The following ZNF827 variants were observed in gnomAD, a reference collection of about 807,000 sequenced individuals.
ZNF827 encodes the protein zinc finger protein 827.
ZNF827 carries 13 observed loss-of-function variants against 102.4 expected under a neutral mutation model. The ratio of observed to expected loss-of-function variants is 0.13; its 90% CI spans 0.08 to 0.20. ZNF827 has a LOEUF of 0.20. Among genes scored for constraint, ZNF827 ranks in the 10% least tolerant of loss-of-function variants. The pLI is 1.00. For synonymous variants in ZNF827, 523 were observed against 536.2 expected (o/e 0.98, Z 0.34); for missense variants, 1,103 against 1,344.4 (o/e 0.82, Z 2.81).
intron 1 of ZNF827, among the ~76,000 whole-genome samples, chr4:145,935,087 T>G (rs1754063852): frequency 6.6e-6 from 1 of 152,174 alleles, no homozygotes; most frequent in African/African-American, 2.4e-5. Context: ...CACTCCTTTC[T>G]TTTAGAGTCA....
chr4:145,808,203 A>G (rs1006144511), intron 8 of ZNF827, among the ~76,000 whole-genome samples: 1 of 152,114 alleles, frequency 6.6e-6, no homozygotes, highest in Admixed American at 6.5e-5. Context: ...ATGGTTACCT[A>G]CAATCCACAT....
Position 145,931,345 on chromosome 4 carries a change from C to A in ZNF827, c.43+7020G>T, listed in dbSNP as rs546526590. 2.6e-5 allele frequency among the ~76,000 whole-genome samples: 4 copies of A among 152,282 alleles called. No homozygotes were observed. In the East Asian group the frequency reaches 7.7e-4, roughly 29 times the overall value. The stretch of plus-strand genomic sequence containing the variant: ...GAAAAGTGTATCTCAGAAACAGGCA[C>A]CATCATTTACAATCTATACCTTTAA... On this transcript the variant is annotated intron_variant, in intron 1 of 14. Transcript: ENST00000508784.
Position 145,892,184 on chromosome 4 carries a change from T to G in ZNF827, c.1266+59A>C, listed in dbSNP as rs10471107. 1.2e-3 allele frequency: 1,847 copies of G among 1,537,044 alleles called. 20 individuals carry two copies. The African/African-American group carries it at 0.02, about 17-fold the overall frequency. ...CCAAGAAGCCTCCTGCACCAGACCA[T>G]GTACAGAAGCCCTGGCTGTGCCTGC... is the stretch of plus-strand genomic sequence containing the variant. On this transcript the variant is annotated intron_variant, in intron 3 of 14. Coordinates refer to ENST00000508784, the MANE Select transcript of ZNF827 (RefSeq NM_001306215.2).
At chr4:145,868,307 C>T (rs1748383230) in intron 5 of ZNF827, among the ~76,000 whole-genome samples, 1 of 152,212 alleles carries the variant, frequency 6.6e-6, no homozygotes, top group African/African-American at 2.4e-5. Flanking sequence ...GGCTGTGATG[C>T]ATATCTCTTT....
chr4:145,829,147 G>C (rs1362576259), intron 7 of ZNF827, among the ~76,000 whole-genome samples: 1 of 142,966 alleles, frequency 7.0e-6, no homozygotes, highest in East Asian at 1.9e-4. Flanking sequence ...GAGCAATAGA[G>C]AAGAAACAGA....
Position 145,764,508 on chromosome 4 carries a change from G to C in ZNF827, c.3230+480C>G, listed in dbSNP as rs116359608. Among the ~76,000 whole-genome samples, 480 of 152,300 alleles carry C rather than the reference G, an allele frequency of 3.2e-3. 1 individual carries two copies. The highest frequency in any genetic ancestry group is 0.011 in the African/African-American group (450 of 41,574). ...GAGGATCATGAAGCACATGATCGTT[G>C]CATGAAAAATGTTGCTTCCTGCCTG... is the stretch of plus-strand genomic sequence containing the variant. On this transcript the variant is annotated intron_variant, in intron 13 of 14. Coordinates refer to ENST00000508784, the MANE Select transcript of ZNF827 (RefSeq NM_001306215.2).
At chr4:145,788,429 T>C (rs369146479) in intron 8 of ZNF827, among the ~76,000 whole-genome samples, 3 of 152,198 alleles carry the variant, frequency 2.0e-5, no homozygotes, top group East Asian at 3.8e-4. Flanking sequence ...TCCAGGCCAA[T>C]TGATGGCTGC....
chr4:145,839,923 A>G (rs1478962898), intron 7 of ZNF827, among the ~76,000 whole-genome samples: 1 of 152,248 alleles, frequency 6.6e-6, no homozygotes, highest in African/African-American at 2.4e-5. Context: ...TTTGCCTCTT[A>G]AGAGTAACAC....
chr4:145,910,997 T>C (rs1459661559), intron 1 of ZNF827, among the ~76,000 whole-genome samples: 1 of 152,214 alleles, frequency 6.6e-6, no homozygotes, highest in Non-Finnish European at 1.5e-5. Flanking sequence ...AGTCAATTAT[T>C]ATTTGTCCAA....
intron 1 of ZNF827, among the ~76,000 whole-genome samples, chr4:145,929,683 T>G (rs1449356817): frequency 6.6e-6 from 1 of 152,126 alleles, no homozygotes. Context: ...ACCAAAAAGT[T>G]CCAGGTCAGA....
chr4:145,796,651 A>T (rs1389701345), intron 8 of ZNF827, among the ~76,000 whole-genome samples: 7 of 122,726 alleles, frequency 5.7e-5, no homozygotes, highest in African/African-American at 1.9e-4. Flanking sequence ...TTTTTGAGAC[A>T]GGGGTTTTGC....
At chr4:145,930,773 A>G (rs939536819) in intron 1 of ZNF827, among the ~76,000 whole-genome samples, 4 of 152,206 alleles carry the variant, frequency 2.6e-5, no homozygotes, top group African/African-American at 7.2e-5. Flanking sequence ...CTGACCTCAG[A>G]TCGTGGGCGC....
At position 145,886,051 on chromosome 4, in the gene ZNF827, G is replaced by C; in HGVS notation, c.1374C>G (p.Phe458Leu). 9 of 1,614,194 alleles carry C rather than the reference G, an allele frequency of 5.6e-6. No homozygotes were observed. The highest frequency in any genetic ancestry group is 7.6e-6 in the Non-Finnish European group (9 of 1,180,038). Residue 458 changes from phenylalanine to leucine, a missense_variant, in exon 4 of 15, where the codon TTC (phenylalanine) becomes TTG (leucine). This residue lies in a region of ZNF827 where 157 missense variants were observed against 211.7 expected (regional missense o/e 0.74). Transcript: ENST00000508784. ...LKLHMRCHQHFLRTEAKVKEE... is the reference protein window; with the variant it reads ...LKLHMRCHQHLLRTEAKVKEE... ...CCTTCACCTTGGCTTCTGTCCTCAG[G>C]AAGTGCTGATGGCAACGCATGTGGA...
At chr4:145,903,810 C>CA in intron 1 of ZNF827, among the ~76,000 whole-genome samples, 1 of 152,310 alleles carries the variant, frequency 6.6e-6, no homozygotes, top group East Asian at 1.9e-4. Flanking sequence ...AAGCTTATAT[C>CA]ATAATAAGCA....
At chr4:145,921,470 CAAAAAA>C (rs35423633) in intron 1 of ZNF827, among the ~76,000 whole-genome samples, 1 of 54,122 alleles carries the variant, frequency 1.8e-5, no homozygotes, top group Non-Finnish European at 3.3e-5. Flanking sequence ...GAGACTCAGG[CAAAAAA>C]AAAAAAAAAA....
intron 8 of ZNF827, among the ~76,000 whole-genome samples, chr4:145,783,513 G>A (rs1399854429): frequency 6.6e-6 from 1 of 152,202 alleles, no homozygotes; most frequent in Non-Finnish European, 1.5e-5. Flanking sequence ...ATAGCATCAA[G>A]CCACAAGATG....
In ZNF827 at chr4:145,844,880, C is replaced by T. The variant is rs575877332; in HGVS notation, c.2279+1076G>A. On this transcript the variant is annotated intron_variant, in intron 7 of 14. Coordinates refer to ENST00000508784, the MANE Select transcript of ZNF827 (RefSeq NM_001306215.2). Reference sequence around the variant, plus strand: ...CACAGGCCTGATGATGCTCTGAGGTCGATTAATAAGACATCAAAAAGAAAA... The same window carrying T: ...CACAGGCCTGATGATGCTCTGAGGTTGATTAATAAGACATCAAAAAGAAAA... Among the ~76,000 whole-genome samples the T allele has an allele frequency of 1.4e-4, 22 of 151,960 alleles. No individual in the cohort carries two copies. In the South Asian group the frequency reaches 4.2e-3, roughly 29 times the overall value.
chr4:145,910,124 C>T (rs1049038233), intron 1 of ZNF827, among the ~76,000 whole-genome samples: 5 of 152,022 alleles, frequency 3.3e-5, no homozygotes, highest in South Asian at 2.1e-4. Context: ...AGTCTGGAGA[C>T]GAGAGTAGTC....
intron 5 of ZNF827, among the ~76,000 whole-genome samples, chr4:145,863,609 T>C (rs1747919219): frequency 6.6e-6 from 1 of 152,180 alleles, no homozygotes; most frequent in African/African-American, 2.4e-5. Context: ...GAAAACATTA[T>C]GCTAAGTGAG....
Sources: gnomAD v4.1 joint callset for allele counts (sites outside exome capture counted in the v4.1 genomes callset) on GRCh38, gnomAD v4.1.1 for gene constraint, gnomAD v4.1.1 regional missense constraint, MANE v1.5 for transcripts, NCBI Gene and HGNC (gene_info 2026-07-23, HGNC 2026-07-21) for gene names.